PEPD: variants seen among roughly 807,000 people sequenced by gnomAD.
The protein encoded by PEPD is xaa-Pro dipeptidase.
In PEPD, 53 loss-of-function variants were observed where a neutral mutation model predicts 60.7. The observed-to-expected ratio is 0.87, with a 90% CI of 0.70 to 1.10. The LOEUF is 1.10. Among genes scored for constraint, PEPD ranks in the 50% least tolerant of loss-of-function variants. The pLI is 0.00. For missense variants in PEPD, 711 were observed against 711.9 expected (o/e 1.00, Z 0.01); for synonymous variants, 267 against 284.1 (o/e 0.94, Z 0.60).
intron 9 of PEPD, among the ~76,000 whole-genome samples, chr19:33,424,421 C>G: frequency 6.6e-6 from 1 of 152,258 alleles, no homozygotes; most frequent in Non-Finnish European, 1.5e-5. Context: ...AACACAAGCA[C>G]CATTGGCCAA....
chr19:33,398,263 C>T (rs931859784), intron 12 of PEPD, among the ~76,000 whole-genome samples: 2 of 152,234 alleles, frequency 1.3e-5, no homozygotes, highest in African/African-American at 2.4e-5. Flanking sequence ...TGGGCCCCCG[C>T]CCCTCACAGG....
At chr19:33,486,819 T>C (rs1970405583) in intron 6 of PEPD, 1 of 152,338 alleles carries the variant, frequency 6.6e-6, no homozygotes. Flanking sequence ...TGGGGACCAC[T>C]GTCTACCACA....
intron 9 of PEPD, among the ~76,000 whole-genome samples, chr19:33,445,918 G>A (rs1036549162): frequency 2.6e-5 from 4 of 152,188 alleles, no homozygotes; most frequent in African/African-American, 9.7e-5. Context: ...ACCAGGAGCG[G>A]CCTGAATTAT....
At chr19:33,427,107 G>A (rs868441153) in intron 9 of PEPD, among the ~76,000 whole-genome samples, 5 of 152,224 alleles carry the variant, frequency 3.3e-5, no homozygotes, top group Middle Eastern at 3.2e-3. Context: ...CAACAGGAAC[G>A]CTATTTATCA....
intron 1 of PEPD, among the ~76,000 whole-genome samples, chr19:33,513,945 T>TCTGCAGAAATGCCCCTTTCCTACCCA (rs1970980231): frequency 6.5e-5 from 3 of 45,962 alleles, no homozygotes; most frequent in East Asian, 4.9e-4. Flanking sequence ...ACCCACCCCA[T>TCTGCAGAAATGCCCCTTTCCTACCCA]CCCCCAGCTC....
intron 9 of PEPD, among the ~76,000 whole-genome samples, chr19:33,458,397 GGT>G (rs1400279170): frequency 6.6e-6 from 1 of 151,156 alleles, no homozygotes; most frequent in African/African-American, 2.4e-5. Flanking sequence ...AGTGATGTAT[GGT>G]GTGTGTGGTG....
intron 9 of PEPD, among the ~76,000 whole-genome samples, chr19:33,426,220 T>C (rs888474136): frequency 1.7e-4 from 26 of 152,222 alleles, no homozygotes; most frequent in African/African-American, 6.3e-4. Context: ...AGATCCCACC[T>C]TGTAGAGTGA....
intron 6 of PEPD, among the ~76,000 whole-genome samples, chr19:33,480,854 T>G (rs747880163): frequency 6.8e-6 from 1 of 146,960 alleles, no homozygotes; most frequent in African/African-American, 2.5e-5. Flanking sequence ...ATCAAAAACC[T>G]AACACGTAGC....
chr19:33,512,983 C>T (rs1228781926), intron 1 of PEPD, among the ~76,000 whole-genome samples: 3 of 152,120 alleles, frequency 2.0e-5, no homozygotes, highest in African/African-American at 7.2e-5. Context: ...GTCTCCCCTC[C>T]ACCACCCATG....
Position 33,515,449 on chromosome 19 carries a change from G to C in PEPD, c.18-2673C>G, listed in dbSNP as rs181616788. ...GCCACGCTCAGCCATTGGGATGAAA[G>C]GGCAGAGGGAAGTCGGTGAGAGTTC... On this transcript the variant is annotated intron_variant, in intron 1 of 14. Transcript: ENST00000244137. Among the ~76,000 whole-genome samples, 360 of 152,282 alleles carry C rather than the reference G, an allele frequency of 2.4e-3. 2 individuals carry two copies. The highest frequency in any genetic ancestry group is 8.4e-3 in the African/African-American group (348 of 41,564).
intron 9 of PEPD, among the ~76,000 whole-genome samples, chr19:33,438,488 C>G (rs1014236531): frequency 1.3e-5 from 2 of 152,228 alleles, no homozygotes; most frequent in African/African-American, 4.8e-5. Flanking sequence ...CCAAGACCTA[C>G]GTCAGGGCAC....
chr19:33,460,413 C>A (rs1258523449), intron 9 of PEPD, among the ~76,000 whole-genome samples: 1 of 152,142 alleles, frequency 6.6e-6, no homozygotes, highest in Non-Finnish European at 1.5e-5. Flanking sequence ...GGGGCTTCAA[C>A]CTGGACACTG....
At chr19:33,469,995 C>T (rs745398620) in intron 7 of PEPD, among the ~76,000 whole-genome samples, 17 of 152,030 alleles carry the variant, frequency 1.1e-4, no homozygotes, top group South Asian at 4.2e-4. Flanking sequence ...GCTCAGTGTG[C>T]GAGAACCCCC....
chr19:33,508,640 C>T (rs2145349417), intron 3 of PEPD, among the ~76,000 whole-genome samples: 1 of 152,330 alleles, frequency 6.6e-6, no homozygotes, highest in South Asian at 2.1e-4. Context: ...GTCTGCGCTT[C>T]CTCATGATGT....
intron 1 of PEPD, 107 bp downstream of exon 1, chr19:33,521,637 C>T: frequency 8.2e-7 from 1 of 1,222,914 alleles, no homozygotes; most frequent in Non-Finnish European, 1.2e-6. Context: ...AGGCGCCTAC[C>T]CGCGGCATTC....
chr19:33,488,295 G>A (rs547893442), intron 6 of PEPD, among the ~76,000 whole-genome samples: 3 of 152,244 alleles, frequency 2.0e-5, no homozygotes, highest in South Asian at 4.1e-4. Flanking sequence ...CAGGCTCCAG[G>A]TGAGCATGAT....
chr19:33,507,694 C>T (rs1222060251), intron 3 of PEPD, among the ~76,000 whole-genome samples: 2 of 152,182 alleles, frequency 1.3e-5, no homozygotes, highest in Non-Finnish European at 2.9e-5. Flanking sequence ...GTCAGCCTCG[C>T]TCCTGGTGCC....
At chr19:33,448,927 C>A (rs1269082017) in intron 9 of PEPD, among the ~76,000 whole-genome samples, 1 of 152,214 alleles carries the variant, frequency 6.6e-6, no homozygotes, top group Non-Finnish European at 1.5e-5. Flanking sequence ...TGGATGTGGC[C>A]CAGAGGCCAC....
In PEPD at chr19:33,405,632, C is replaced by T. The variant is rs535462417; in HGVS notation, c.819-3763G>A. Among the ~76,000 whole-genome samples, 94 of 152,326 alleles carry T rather than the reference C, an allele frequency of 6.2e-4. No individual in the cohort carries two copies. The Middle Eastern group carries it at 0.01, about 17-fold the overall frequency. On this transcript the variant is annotated intron_variant, in intron 11 of 14. Transcript: ENST00000244137. ...CAGACACGGTGGCGAGCTGTGGTCTCCAGGGTGCATGGGCCGGCTGCCTGC... is the reference window on the plus strand; with the variant it reads ...CAGACACGGTGGCGAGCTGTGGTCTTCAGGGTGCATGGGCCGGCTGCCTGC...
Sources: gnomAD v4.1 joint callset for allele counts (sites outside exome capture counted in the v4.1 genomes callset) on GRCh38, gnomAD v4.1.1 for gene constraint, MANE v1.5 for transcripts, NCBI Gene and HGNC (gene_info 2026-07-23, HGNC 2026-07-21) for gene names.